Variants in WDR3 observed in about 807,000 individuals in gnomAD.
WDR3 encodes the protein WD repeat domain 3, also known as WD repeat-containing protein 3.
WDR3 carries 81 observed loss-of-function variants against 123.7 expected under a neutral mutation model. That is an observed-to-expected ratio of 0.65 (90% CI 0.55 to 0.79). WDR3 has a LOEUF of 0.79. WDR3 is among the 30% of genes least tolerant of loss of function. WDR3 has a pLI of 0.00. For missense variants in WDR3, 1,027 were observed against 1,123.2 expected (o/e 0.91, Z 1.22); for synonymous variants, 390 against 388.8 (o/e 1.00, Z -0.04).
rs181162259 is a variant in WDR3 at position 117,956,954 on chromosome 1, A to T, written c.2454-114A>T. The T allele has an allele frequency of 5.8e-4, 514 of 879,856 alleles. No homozygotes were observed. In the African/African-American group the frequency reaches 7.8e-3, roughly 13 times the overall value. 54.5% of individuals were successfully genotyped at this position (879,856 alleles called of 1,614,324 possible). A position where few individuals can be genotyped will look rare whatever the true frequency, so the allele number is the denominator to read the frequency against. On this transcript the variant is annotated intron_variant, in intron 24 of 26. Transcript: ENST00000349139. Reference sequence around the variant, plus strand: ...AGATGAATATTTAACTCTAGGCAAGATGTATCCAAGTATAAAATCAGTAGA... The same window carrying T: ...AGATGAATATTTAACTCTAGGCAAGTTGTATCCAAGTATAAAATCAGTAGA...
Position 117,963,585 on chromosome 1 carries a change from C to T in WDR3, c.*4138C>T, listed in dbSNP as rs1314282291. ...TTCACCAAGTTAGCCAGGATGGTCT[C>T]GATCTCCTGACCTTGTGATCCACCC... On this transcript the variant is annotated 3_prime_UTR_variant, in exon 27 of 27. Transcript: ENST00000349139. 2.2e-5 allele frequency: 7 copies of T among 320,294 alleles called. No individual in the cohort carries two copies. The highest frequency in any genetic ancestry group is 4.2e-5 in the African/African-American group (2 of 47,770). 19.8% of individuals were successfully genotyped at this position (320,294 alleles called of 1,614,324 possible). A position where few individuals can be genotyped will look rare whatever the true frequency, so the allele number is the denominator to read the frequency against.
At chr1:117,942,306 T>TTAAA (rs1651198116) in intron 9 of WDR3, 131 bp from the exon 10 acceptor site, 1 of 712,958 alleles carries the variant, frequency 1.4e-6, no homozygotes, top group East Asian at 2.7e-5. Context: ...ATCATGGTAA[T>TTAAA]CCTGTGTGGT....
rs891645466 is a variant in WDR3 at position 117,959,361 on chromosome 1, A to C, written c.2746A>C (p.Met916Leu). ...KRECEAKSEVMFFADATSHLE... is the reference protein window; with the variant it reads ...KRECEAKSEVLFFADATSHLE... ...GGAATGCGAGGCAAAAAGTGAAGTT[A>C]TGTTTTTTGCTGATGCTACTAGCCA... The change falls in exon 27 of 27, where the codon ATG (methionine) becomes CTG (leucine). Residue 916 changes from methionine (M) to leucine (L), a missense_variant. Coordinates refer to ENST00000349139, the MANE Select transcript of WDR3 (RefSeq NM_006784.3). 5 of 1,613,874 alleles carry C rather than the reference A, an allele frequency of 3.1e-6. No homozygotes were observed. Among genetic ancestry groups the C allele is most frequent in the African/African-American group, 2.7e-5 (2 of 74,920 alleles).
chr1:117,934,478 TA>T lies in WDR3; in HGVS notation c.178del (p.Ile60SerfsTer21). On this transcript the variant is annotated frameshift_variant, in exon 3 of 27. Coordinates refer to ENST00000349139, the MANE Select transcript of WDR3 (RefSeq NM_006784.3). LOFTEE classifies it high-confidence loss of function. ...WDLRKGEKIL[I>X]LQGLKQEVTC... Reference sequence around the variant, plus strand: ...TTTAATTTTTATGATTTCAGATTCTTATCCTTCAGGGGCTTAAACAAGAAGT... The same window carrying T: ...TTTAATTTTTATGATTTCAGATTCTTTCCTTCAGGGGCTTAAACAAGAAGT... 1.2e-6 allele frequency: 2 copies of T among 1,613,812 alleles called. No homozygotes were observed. The highest frequency in any genetic ancestry group is 8.5e-7 in the Non-Finnish European group (1 of 1,179,932).
At position 117,961,954 on chromosome 1, in the gene WDR3, CCTT is replaced by C. The variant is rs938165177; in HGVS notation, c.*2511_*2513del. 2 of 151,792 alleles carry C rather than the reference CCTT, an allele frequency of 1.3e-5. No individual in the cohort carries two copies. Among genetic ancestry groups the C allele is most frequent in the Admixed American group, 6.6e-5 (1 of 15,214 alleles). 9.4% of individuals were successfully genotyped at this position (151,792 alleles called of 1,614,324 possible). On this transcript the variant is annotated 3_prime_UTR_variant, in exon 27 of 27. Transcript: ENST00000349139. ...ATGAGAACAGAAGTTGATTCAATAT[CCTT>C]CTTAGAGTTGCTCATCAGAACATAA...
chr1:117,964,029 T>G lies in WDR3; in HGVS notation c.*4582T>G, dbSNP rs1481155677. 7.1e-7 allele frequency: 1 copy of G among 1,411,402 alleles called. No individual in the cohort carries two copies. Among genetic ancestry groups the G allele is most frequent in the Non-Finnish European group, 9.6e-7 (1 of 1,036,806 alleles). The allele number at this position is 1,411,402 out of a possible 1,614,324, so 87.4% of individuals were successfully genotyped here. ...CATTTTAGAATCATAGAATTTCTTC[T>G]CTGGCAACATCAGTTCAATTTTAGG... On this transcript the variant is annotated 3_prime_UTR_variant, in exon 27 of 27. Coordinates refer to ENST00000349139, the MANE Select transcript of WDR3 (RefSeq NM_006784.3).
At chr1:117,952,775 C>T (rs1651678651) in intron 19 of WDR3, 113 bp downstream of exon 19, 14 of 1,468,932 alleles carry the variant, frequency 9.5e-6, no homozygotes, top group Non-Finnish European at 1.3e-5. Flanking sequence ...GTCCAAGAAC[C>T]TTCAGGAGAT....
rs568386912 is a variant in WDR3, at chr1:117,933,824, T to C, written c.171+334T>C. On this transcript the variant is annotated intron_variant, in intron 2 of 26. Coordinates refer to ENST00000349139, the MANE Select transcript of WDR3 (RefSeq NM_006784.3). ...TTCAAGCTCGACTTATGCTTATAGCTGGTTATAAAATATTAGGCATGTAAA... is the reference window on the plus strand; with the variant it reads ...TTCAAGCTCGACTTATGCTTATAGCCGGTTATAAAATATTAGGCATGTAAA... The C allele has an allele frequency of 4.2e-5, 13 of 309,348 alleles. No individual in the cohort carries two copies. In the East Asian group the frequency reaches 8.9e-4, roughly 21 times the overall value. 19.2% of individuals were successfully genotyped at this position (309,348 alleles called of 1,614,324 possible). A position where few individuals can be genotyped will look rare whatever the true frequency, so the allele number is the denominator to read the frequency against.
rs973782669 is a variant in WDR3, at chr1:117,953,792, A to G, written c.2269-215A>G. 5.0e-6 allele frequency: 3 copies of G among 601,872 alleles called. 1 individual carries two copies. In the African/African-American group the frequency reaches 5.6e-5, roughly 11 times the overall value. 37.3% of individuals were successfully genotyped at this position (601,872 alleles called of 1,614,324 possible). A position where few individuals can be genotyped will look rare whatever the true frequency, so the allele number is the denominator to read the frequency against. On this transcript the variant is annotated intron_variant, in intron 21 of 26. Transcript: ENST00000349139. Reference sequence around the variant, plus strand: ...ATTCAGAGTGTCTAGATATCATCCCACCTGAGTCCATGACACTCAGTCTCT... The same window carrying G: ...ATTCAGAGTGTCTAGATATCATCCCGCCTGAGTCCATGACACTCAGTCTCT...
Position 117,963,785 on chromosome 1 carries a change from A to T in WDR3, c.*4338A>T. 2 of 1,597,554 alleles carry T rather than the reference A, an allele frequency of 1.3e-6. No individual in the cohort carries two copies. The highest frequency in any genetic ancestry group is 1.7e-6 in the Non-Finnish European group (2 of 1,170,904). ...ATGCTTGACAATCAAATTCCCATTT[A>T]TTACTTACTGTACCTAATGTGGAGA... On this transcript the variant is annotated 3_prime_UTR_variant, in exon 27 of 27. Coordinates refer to ENST00000349139, the MANE Select transcript of WDR3 (RefSeq NM_006784.3).
Position 117,961,298 on chromosome 1 carries a change from TA to T in WDR3, c.*1860del, listed in dbSNP as rs951244588. On this transcript the variant is annotated 3_prime_UTR_variant, in exon 27 of 27. Coordinates refer to ENST00000349139, the MANE Select transcript of WDR3 (RefSeq NM_006784.3). ...GACTCCATCTCCAAAATAATAATAGTAAAAAAAAATCTGTATAACAGTGGAG... is the reference window on the plus strand; with the variant it reads ...GACTCCATCTCCAAAATAATAATAGTAAAAAAAATCTGTATAACAGTGGAG... 2 of 151,330 alleles carry T rather than the reference TA, an allele frequency of 1.3e-5. No individual in the cohort carries two copies. The highest frequency in any genetic ancestry group is 1.9e-4 in the East Asian group (1 of 5,180). The allele number at this position is 151,330 out of a possible 1,614,324, so 9.4% of individuals were successfully genotyped here.
chr1:117,943,265 T>TA, intron 10 of WDR3, 131 bp from the exon 11 acceptor site: 2 of 806,226 alleles, frequency 2.5e-6, no homozygotes, highest in East Asian at 5.4e-5. Context: ...AGGGCACTCT[T>TA]ACTTGAAAAA....
chr1:117,947,165 G>T (rs1444940427), intron 12 of WDR3, among the ~76,000 whole-genome samples: 4 of 152,086 alleles, frequency 2.6e-5, no homozygotes, highest in Non-Finnish European at 2.9e-5. Context: ...CAGAGATGAA[G>T]TATACAAAAC....
At chr1:117,944,012 C>T (rs1350184389) in intron 11 of WDR3, among the ~76,000 whole-genome samples, 1 of 152,126 alleles carries the variant, frequency 6.6e-6, no homozygotes, top group Non-Finnish European at 1.5e-5. Context: ...AAATCAAATA[C>T]CTCCAAAACC....
At chr1:117,946,201 G>A in intron 12 of WDR3, 22 bp downstream of exon 12, 1 of 1,571,856 alleles carries the variant, frequency 6.4e-7, no homozygotes, top group Non-Finnish European at 8.7e-7. Context: ...CTTTTTCTGG[G>A]ATATCTGGAT....
chr1:117,958,366 A>G (rs753547904), intron 25 of WDR3, among the ~76,000 whole-genome samples: 3 of 152,210 alleles, frequency 2.0e-5, no homozygotes, highest in Non-Finnish European at 4.4e-5. Context: ...CTGCTATGGT[A>G]TACGTGCTAT....
chr1:117,941,387 A>G (rs1392642951), intron 8 of WDR3, among the ~76,000 whole-genome samples, 162 bp downstream of exon 8: 1 of 152,222 alleles, frequency 6.6e-6, no homozygotes, highest in East Asian at 1.9e-4. Flanking sequence ...TAGCATAACA[A>G]CAAAAATATT....
intron 10 of WDR3, among the ~76,000 whole-genome samples, chr1:117,942,851 A>G (rs1651220730): frequency 6.6e-6 from 1 of 151,770 alleles, no homozygotes; most frequent in African/African-American, 2.4e-5. Flanking sequence ...ATACATACAC[A>G]GAACCAAAGT....
intron 24 of WDR3, among the ~76,000 whole-genome samples, chr1:117,955,875 C>T (rs548538761): frequency 2.0e-5 from 3 of 151,980 alleles, no homozygotes; most frequent in Admixed American, 6.6e-5. Context: ...AATATGTTTA[C>T]ACATATATCT....
Sources: allele counts gnomAD v4.1 joint callset (sites outside exome capture counted in the v4.1 genomes callset), GRCh38; gene constraint gnomAD v4.1.1; transcripts MANE v1.5; gene names NCBI Gene and HGNC (gene_info 2026-07-23, HGNC 2026-07-21).